SPRY3: variants seen among roughly 807,000 people sequenced by gnomAD.
The protein encoded by SPRY3 is sprouty RTK signaling antagonist 3.
Under a neutral mutation model 20.2 loss-of-function variants are expected in SPRY3, and 15 were observed. The ratio of observed to expected loss-of-function variants is 0.74; its 90% CI spans 0.50 to 1.14. SPRY3 has a LOEUF of 1.14. Among genes scored for constraint, SPRY3 ranks in the 50% most tolerant of loss-of-function variants. The pLI, the probability that SPRY3 is intolerant of heterozygous loss-of-function variation, is 0.00. For missense variants in SPRY3, 364 were observed against 363.9 expected, an observed-to-expected ratio of 1.00 and a Z score of 0.00; for synonymous variants, 143 against 136.5, an observed-to-expected ratio of 1.05 and a Z score of -0.33.
chrX:155,630,017 AC>A (rs1287461274), intron 1 of SPRY3, among the ~76,000 whole-genome samples: 4 of 111,792 alleles, frequency 3.6e-5, no homozygotes, highest in Non-Finnish European at 7.5e-5. Context: ...TGTTAGGCTT[AC>A]AAAAAACATC....
chrX:155,729,157 C>T (rs2091117599), intron 2 of SPRY3, among the ~76,000 whole-genome samples: 2 of 151,964 alleles, frequency 1.3e-5, no homozygotes, highest in African/African-American at 4.8e-5. Flanking sequence ...GACAGATATC[C>T]AACAAAAAAT....
intron 2 of SPRY3, among the ~76,000 whole-genome samples, chrX:155,717,563 C>T (rs1026946402): frequency 6.6e-6 from 1 of 151,990 alleles, no homozygotes; most frequent in South Asian, 2.1e-4. Flanking sequence ...TCTTGCCCCC[C>T]ACCCCCTGAC....
chrX:155,668,474 A>G (rs2068031051), intron 2 of SPRY3, among the ~76,000 whole-genome samples: 1 of 111,166 alleles, frequency 9.0e-6, no homozygotes, highest in Non-Finnish European at 1.9e-5. Flanking sequence ...TGTGTTCTAT[A>G]TCTTGATCTA....
At chrX:155,739,154 A>G (rs1378376577) in intron 2 of SPRY3, among the ~76,000 whole-genome samples, 1 of 152,098 alleles carries the variant, frequency 6.6e-6, no homozygotes, top group Non-Finnish European at 1.5e-5. Context: ...GGAGTTCTCC[A>G]TAAGGAAGCA....
At chrX:155,692,773 T>C (rs1220701521) in intron 2 of SPRY3, among the ~76,000 whole-genome samples, 1 of 111,604 alleles carries the variant, frequency 9.0e-6, no homozygotes, top group African/African-American at 3.2e-5. Context: ...TAGGTTATAT[T>C]TTTCAAGGAA....
In SPRY3 at chrX:155,631,292, C is replaced by T. The variant is rs782659480; in HGVS notation, c.-441+18645C>T. Among the ~76,000 whole-genome samples, 10 of 112,496 alleles carry T rather than the reference C, an allele frequency of 8.9e-5. No homozygotes were observed. In the East Asian group the frequency reaches 2.8e-3, roughly 31 times the overall value. ...GACATAATTTCATTCTTCAATATGGCTGCATAGTATTCCATGTTGTATATG... is the reference window on the plus strand; with the variant it reads ...GACATAATTTCATTCTTCAATATGGTTGCATAGTATTCCATGTTGTATATG... On this transcript the variant is annotated intron_variant, in intron 1 of 3. Transcript: ENST00000675360.
chrX:155,728,202 G>A (rs2091111928), intron 2 of SPRY3, among the ~76,000 whole-genome samples: 2 of 152,132 alleles, frequency 1.3e-5, no homozygotes, highest in Admixed American at 6.5e-5. Flanking sequence ...TCCCAGAGGG[G>A]CACCTGCCTG....
At chrX:155,750,821 C>T (rs2091258734) in intron 2 of SPRY3, among the ~76,000 whole-genome samples, 1 of 151,686 alleles carries the variant, frequency 6.6e-6, no homozygotes, top group Non-Finnish European at 1.5e-5. Flanking sequence ...GGTTAATGGT[C>T]ATGAATTTAA....
At chrX:155,735,429 C>T (rs2091161828) in intron 2 of SPRY3, among the ~76,000 whole-genome samples, 2 of 151,918 alleles carry the variant, frequency 1.3e-5, no homozygotes, top group African/African-American at 4.8e-5. Flanking sequence ...GTTGAAATTT[C>T]CAACTATAAA....
intron 2 of SPRY3, among the ~76,000 whole-genome samples, chrX:155,699,448 T>C (rs2068129054): frequency 8.9e-6 from 1 of 111,735 alleles, no homozygotes; most frequent in Non-Finnish European, 1.9e-5. Context: ...CCTTGCACGG[T>C]CCTCCATGAA....
At chrX:155,669,758 C>A (rs1249201727) in intron 2 of SPRY3, 5 of 110,851 alleles carry the variant, frequency 4.5e-5, no homozygotes, top group Non-Finnish European at 9.5e-5. Flanking sequence ...TTTCTAGTAC[C>A]TTAGAATTGG....
At chrX:155,781,347 C>T (rs1603017163), downstream of SPRY3, 1 of 166,914 alleles carries the variant, frequency 6.0e-6, no homozygotes, top group Admixed American at 6.5e-5. Flanking sequence ...AATCACAGTA[C>T]CCTGAGACCA....
At chrX:155,640,313 A>G (rs1417772205) in intron 1 of SPRY3, among the ~76,000 whole-genome samples, 1 of 112,594 alleles carries the variant, frequency 8.9e-6, no homozygotes, top group Admixed American at 9.4e-5. Context: ...AAAAAGTGTT[A>G]TTAAGAAAAT....
chrX:155,695,312 T>TTA (rs1271520805), intron 2 of SPRY3, among the ~76,000 whole-genome samples: 2 of 111,807 alleles, frequency 1.8e-5, no homozygotes, highest in African/African-American at 6.5e-5. Flanking sequence ...TCTCTATGGG[T>TTA]TATCTCTCTA....
At chrX:155,724,066 G>C (rs1022938283) in intron 2 of SPRY3, among the ~76,000 whole-genome samples, 2 of 152,028 alleles carry the variant, frequency 1.3e-5, no homozygotes, top group South Asian at 2.1e-4. Flanking sequence ...TCTTGTTTTT[G>C]TCAGGTTTGT....
intron 2 of SPRY3, among the ~76,000 whole-genome samples, chrX:155,755,339 C>G (rs2091279992): frequency 6.6e-6 from 1 of 152,056 alleles, no homozygotes. Context: ...TTCAGTCTTC[C>G]TTCCCCTGTA....
At chrX:155,770,211 T>C (rs998726773) in intron 3 of SPRY3, among the ~76,000 whole-genome samples, 1 of 152,166 alleles carries the variant, frequency 6.6e-6, no homozygotes, top group South Asian at 2.1e-4. Flanking sequence ...TCATACTGTA[T>C]CGGAAAGGAT....
chrX:155,645,225 C>T (rs1361090994), intron 1 of SPRY3, among the ~76,000 whole-genome samples: 1 of 111,942 alleles, frequency 8.9e-6, no homozygotes, highest in Non-Finnish European at 1.9e-5. Flanking sequence ...TTTACTTTCC[C>T]TCTCTTCTTT....
intron 2 of SPRY3, among the ~76,000 whole-genome samples, chrX:155,711,660 G>C (rs1212835885): frequency 6.8e-6 from 1 of 148,060 alleles, no homozygotes; most frequent in Non-Finnish European, 1.5e-5. Flanking sequence ...ATTTATTTCT[G>C]TTCTGATCTT....
Sources: gnomAD v4.1 joint callset for allele counts (sites outside exome capture counted in the v4.1 genomes callset) on GRCh38, gnomAD v4.1.1 for gene constraint, MANE v1.5 for transcripts, NCBI Gene and HGNC (gene_info 2026-07-23, HGNC 2026-07-21) for gene names.